The following SORCS3 variants were observed in gnomAD, a reference collection of about 807,000 sequenced individuals.
SORCS3 encodes sortilin related VPS10 domain containing receptor 3, also known as VPS10 domain-containing receptor SorCS3.
Under a neutral mutation model 146.3 loss-of-function variants are expected in SORCS3, and 57 were observed. The ratio of observed to expected loss-of-function variants is 0.39; its 90% CI spans 0.31 to 0.49. The LOEUF (loss-of-function observed/expected upper bound fraction) is 0.49. Among genes scored for constraint, SORCS3 ranks in the 20% least tolerant of loss-of-function variants. The pLI is 0.92. For synonymous variants in SORCS3, 653 were observed against 618.5 expected, an observed-to-expected ratio of 1.06 and a Z score of -0.83; for missense variants, 1,341 against 1,575.5, an observed-to-expected ratio of 0.85 and a Z score of 2.52.
At chr10:105,038,923 A>T (rs2055322036) in intron 4 of SORCS3, among the ~76,000 whole-genome samples, 1 of 152,174 alleles carries the variant, frequency 6.6e-6, no homozygotes, top group Non-Finnish European at 1.5e-5. Flanking sequence ...ATAATAATTT[A>T]AAGAAATCTA....
intron 10 of SORCS3, 139 bp from the exon 11 acceptor site, chr10:105,158,753 C>T (rs2056234062): frequency 4.6e-6 from 3 of 647,758 alleles, no homozygotes; most frequent in Non-Finnish European, 8.2e-6. Flanking sequence ...GCGGATATCT[C>T]CTGCCCAAAA....
chr10:105,131,776 A>C (rs1327538047), intron 7 of SORCS3, among the ~76,000 whole-genome samples: 5 of 152,120 alleles, frequency 3.3e-5, no homozygotes, highest in Non-Finnish European at 5.9e-5. Flanking sequence ...CCAGAGGAGA[A>C]GCAAGAGAAG....
chr10:105,235,881 A>G (rs2056790573), intron 20 of SORCS3, among the ~76,000 whole-genome samples: 1 of 152,112 alleles, frequency 6.6e-6, no homozygotes, highest in African/African-American at 2.4e-5. Flanking sequence ...TCTCAACTTT[A>G]TTGTTGTGAA....
At chr10:105,104,840 T>C (rs2055810024) in intron 6 of SORCS3, among the ~76,000 whole-genome samples, 1 of 152,218 alleles carries the variant, frequency 6.6e-6, no homozygotes, top group African/African-American at 2.4e-5. Context: ...TGTTGAAGCA[T>C]ACGTATCCAC....
intron 6 of SORCS3, among the ~76,000 whole-genome samples, chr10:105,102,716 T>C (rs73350191): frequency 0.11 from 17,007 of 151,730 alleles, 1,061 homozygotes; most frequent in East Asian, 0.17. Context: ...CTGGGTTTCA[T>C]TTGGAGTGTT....
chr10:104,906,062 G>A (rs996332297), intron 2 of SORCS3, among the ~76,000 whole-genome samples: 11 of 152,150 alleles, frequency 7.2e-5, no homozygotes, highest in African/African-American at 2.2e-4. Flanking sequence ...TTATCCTGGA[G>A]GTTTCTGGAT....
At chr10:104,650,644 C>G (rs990086991) in intron 1 of SORCS3, among the ~76,000 whole-genome samples, 1 of 152,224 alleles carries the variant, frequency 6.6e-6, no homozygotes, top group African/African-American at 2.4e-5. Context: ...TCCTTGCTCT[C>G]TTGTATCTGG....
intron 1 of SORCS3, among the ~76,000 whole-genome samples, chr10:104,817,196 T>C (rs1314701285): frequency 6.6e-6 from 1 of 152,202 alleles, no homozygotes; most frequent in Non-Finnish European, 1.5e-5. Context: ...AGGAGGAAGA[T>C]AGGGCCCATG....
chr10:104,903,369 G>T (rs2018872125), intron 2 of SORCS3, among the ~76,000 whole-genome samples: 1 of 152,114 alleles, frequency 6.6e-6, no homozygotes, highest in African/African-American at 2.4e-5. Context: ...TATAGTTGTG[G>T]TGAGGACAAG....
At chr10:105,000,856 A>T (rs969195376) in intron 4 of SORCS3, among the ~76,000 whole-genome samples, 1 of 152,136 alleles carries the variant, frequency 6.6e-6, no homozygotes. Context: ...TCTTTTCCTT[A>T]TGTAGGTATT....
chr10:104,818,486 C>G (rs1253097562), intron 1 of SORCS3, among the ~76,000 whole-genome samples: 1 of 151,332 alleles, frequency 6.6e-6, no homozygotes, highest in Non-Finnish European at 1.5e-5. Flanking sequence ...GCCAGGTAGA[C>G]TCGGGGAGAG....
At chr10:104,952,480 A>G (rs774461932) in intron 3 of SORCS3, among the ~76,000 whole-genome samples, 4 of 152,110 alleles carry the variant, frequency 2.6e-5, no homozygotes, top group African/African-American at 7.2e-5. Flanking sequence ...TCATGAGCAT[A>G]TTAAAGTTTG....
At chr10:104,880,549 TG>T (rs1420352127) in intron 2 of SORCS3, among the ~76,000 whole-genome samples, 1 of 152,178 alleles carries the variant, frequency 6.6e-6, no homozygotes, top group Non-Finnish European at 1.5e-5. Context: ...TTAAAAGAAT[TG>T]TCAGAGCAGG....
Position 105,147,660 on chromosome 10 carries a change from C to T in SORCS3, c.1346C>T (p.Ala449Val), listed in dbSNP as rs759288838. The change falls in exon 9 of 27, where the codon GCG (alanine) becomes GTG (valine). Residue 449 changes from alanine to valine, a missense_variant. Ala to Val is a moderately conservative substitution (Grantham distance 64, BLOSUM62 0). Transcript: ENST00000369701. The part of the protein sequence containing the change: ...ISTDENQVFA[A>V]VQEWNQNDTY... ...ACAGACGAGAACCAAGTATTTGCTG[C>T]GGTCCAAGAATGGAACCAGAACGAC... 7.4e-6 allele frequency: 12 copies of T among 1,612,732 alleles called. No homozygotes were observed. The highest frequency in any genetic ancestry group is 1.1e-5 in the South Asian group (1 of 91,006).
At chr10:105,154,987 G>A (rs72817760) in intron 9 of SORCS3, among the ~76,000 whole-genome samples, 11,175 of 152,232 alleles carry the variant, frequency 0.073, 595 homozygotes, top group Admixed American at 0.15. Flanking sequence ...GAAATGTTCC[G>A]TTTGTTTCAG....
intron 7 of SORCS3, among the ~76,000 whole-genome samples, chr10:105,129,698 A>C (rs1057063224): frequency 6.9e-6 from 1 of 145,518 alleles, no homozygotes; most frequent in African/African-American, 2.5e-5. Flanking sequence ...CAAATAGGAA[A>C]GAGAAAGTGC....
chr10:104,915,985 A>T, intron 3 of SORCS3, 53 bp downstream of exon 3: 1 of 1,387,446 alleles, frequency 7.2e-7, no homozygotes, highest in Non-Finnish European at 1.0e-6. Flanking sequence ...AGCTGTGCTG[A>T]TTAGGGCCAG....
At chr10:105,193,406 G>T (rs2056527688) in intron 14 of SORCS3, among the ~76,000 whole-genome samples, 1 of 152,154 alleles carries the variant, frequency 6.6e-6, no homozygotes, top group African/African-American at 2.4e-5. Context: ...AATCAACCCA[G>T]AAGTATTTAT....
intron 5 of SORCS3, among the ~76,000 whole-genome samples, chr10:105,067,184 A>T (rs1420594258): frequency 1.3e-5 from 2 of 152,310 alleles, no homozygotes; most frequent in East Asian, 3.9e-4. Context: ...ATATTTCAAA[A>T]CATCATATTA....
Sources: allele counts gnomAD v4.1 joint callset (sites outside exome capture counted in the v4.1 genomes callset), GRCh38; gene constraint gnomAD v4.1.1; transcripts MANE v1.5; gene names NCBI Gene and HGNC (gene_info 2026-07-23, HGNC 2026-07-21).